Variants in PPP1R13B observed in about 807,000 individuals in gnomAD.
The protein encoded by PPP1R13B is protein phosphatase 1 regulatory subunit 13B.
PPP1R13B carries 44 observed loss-of-function variants against 119.8 expected under a neutral mutation model. The ratio of observed to expected loss-of-function variants is 0.37; its 90% CI spans 0.29 to 0.47. PPP1R13B has a LOEUF of 0.47. Ranked by LOEUF, PPP1R13B falls within the 20% of genes least tolerant of loss-of-function variation. PPP1R13B has a pLI of 0.99. For synonymous variants in PPP1R13B, 542 were observed against 561.5 expected (o/e 0.97, Z 0.49); for missense variants, 1,227 against 1,413.5 (o/e 0.87, Z 2.12).
At chr14:103,814,194 C>CA (rs2086224035) in intron 1 of PPP1R13B, among the ~76,000 whole-genome samples, 1 of 152,008 alleles carries the variant, frequency 6.6e-6, no homozygotes, top group Admixed American at 6.6e-5. Flanking sequence ...ACTAAAAATA[C>CA]AAATATTAGC....
Position 103,778,835 on chromosome 14 carries a change from A to T in PPP1R13B, c.278-14T>A. On this transcript the variant is annotated splice_polypyrimidine_tract_variant and intron_variant, in intron 3 of 16. Coordinates refer to ENST00000202556, the MANE Select transcript of PPP1R13B (RefSeq NM_015316.3). Reference sequence around the variant, plus strand: ...TCTGACGGCCACCTAAAGAAATAAAAGAACCAAACTCACCAAAAGGCGTAT... The same window carrying T: ...TCTGACGGCCACCTAAAGAAATAAATGAACCAAACTCACCAAAAGGCGTAT... 6.2e-7 allele frequency: 1 copy of T among 1,605,724 alleles called. No individual in the cohort carries two copies. Among genetic ancestry groups the T allele is most frequent in the Non-Finnish European group, 8.5e-7 (1 of 1,172,740 alleles).
chr14:103,846,512 A>G (rs909723136), intron 1 of PPP1R13B, among the ~76,000 whole-genome samples: 3 of 152,196 alleles, frequency 2.0e-5, no homozygotes, highest in Non-Finnish European at 4.4e-5. Context: ...TACCTCTCCA[A>G]CTGGGTACAA....
intron 1 of PPP1R13B, 68 bp from the exon 2 acceptor site, chr14:103,797,586 A>C: frequency 1.6e-6 from 2 of 1,287,032 alleles, no homozygotes; most frequent in Non-Finnish European, 2.2e-6. Flanking sequence ...TGTAAATTTA[A>C]AGTGATCCCT....
At chr14:103,830,356 A>G (rs1348910424) in intron 1 of PPP1R13B, among the ~76,000 whole-genome samples, 2 of 152,136 alleles carry the variant, frequency 1.3e-5, no homozygotes, top group Admixed American at 1.3e-4. Context: ...TCAGCCTCCC[A>G]AAGTGCTAGG....
intron 4 of PPP1R13B, among the ~76,000 whole-genome samples, chr14:103,761,605 T>C (rs944429941): frequency 1.3e-5 from 2 of 151,624 alleles, no homozygotes; most frequent in South Asian, 2.1e-4. Context: ...CTACTAAAAA[T>C]ACAAAAAATT....
chr14:103,828,261 T>C (rs1331913026), intron 1 of PPP1R13B, among the ~76,000 whole-genome samples: 1 of 150,636 alleles, frequency 6.6e-6, no homozygotes, highest in African/African-American at 2.4e-5. Flanking sequence ...CCGAGCTACT[T>C]GAGAGGCAGA....
chr14:103,774,650 T>TCCCCC (rs536822960), intron 4 of PPP1R13B, among the ~76,000 whole-genome samples: 2 of 151,754 alleles, frequency 1.3e-5, no homozygotes, highest in Non-Finnish European at 2.9e-5. Flanking sequence ...CAACCCACAC[T>TCCCCC]CCCCCCTTTC....
At chr14:103,753,282 A>G in intron 6 of PPP1R13B, 86 bp from the exon 7 acceptor site, 1 of 1,339,758 alleles carries the variant, frequency 7.5e-7, no homozygotes, top group Non-Finnish European at 1.0e-6. Context: ...TAATTCTAGT[A>G]TCATTTAGTG....
At chr14:103,758,372 T>C (rs1399202708) in intron 4 of PPP1R13B, among the ~76,000 whole-genome samples, 1 of 152,184 alleles carries the variant, frequency 6.6e-6, no homozygotes, top group African/African-American at 2.4e-5. Context: ...ATATGACCCA[T>C]TTCGGCCTCA....
In PPP1R13B at chr14:103,734,794, AG is replaced by A. The variant is rs775609104; in HGVS notation, c.*359del. Reference sequence around the variant, plus strand: ...AGCGGCGGACAGTGTTCACTGCTGGAGGGGGTGATGGCCTCGGGGCCAAGTC... The same window carrying A: ...AGCGGCGGACAGTGTTCACTGCTGGAGGGGTGATGGCCTCGGGGCCAAGTC... On this transcript the variant is annotated 3_prime_UTR_variant, in exon 17 of 17. Coordinates refer to ENST00000202556, the MANE Select transcript of PPP1R13B (RefSeq NM_015316.3). 3.4e-4 allele frequency: 155 copies of A among 460,904 alleles called. No homozygotes were observed. The highest frequency in any genetic ancestry group is 8.0e-4 in the Middle Eastern group (2 of 2,490). The allele number at this position is 460,904 out of a possible 1,614,324, so 28.6% of individuals were successfully genotyped here.
chr14:103,839,840 T>C (rs886623484), intron 1 of PPP1R13B, among the ~76,000 whole-genome samples: 1 of 152,188 alleles, frequency 6.6e-6, no homozygotes, highest in Non-Finnish European at 1.5e-5. Context: ...TCTTGAGCTA[T>C]GATAATTACA....
At chr14:103,762,596 TAAA>T (rs11446097) in intron 4 of PPP1R13B, among the ~76,000 whole-genome samples, 1 of 139,526 alleles carries the variant, frequency 7.2e-6, no homozygotes, top group Non-Finnish European at 1.5e-5. Flanking sequence ...CTTAAAGTAT[TAAA>T]AAAAAAAAAA....
At chr14:103,830,277 G>A (rs994810605) in intron 1 of PPP1R13B, among the ~76,000 whole-genome samples, 2 of 151,508 alleles carry the variant, frequency 1.3e-5, no homozygotes, top group African/African-American at 4.9e-5. Context: ...TATATTTTTA[G>A]TACAGATGAG....
At chr14:103,819,827 A>C (rs2086365703) in intron 1 of PPP1R13B, among the ~76,000 whole-genome samples, 1 of 152,196 alleles carries the variant, frequency 6.6e-6, no homozygotes, top group Non-Finnish European at 1.5e-5. Flanking sequence ...GAGAGGTTAC[A>C]AAACAACAGT....
chr14:103,733,691 C>T lies in PPP1R13B; in HGVS notation c.*1463G>A, dbSNP rs2084011565. 1 of 152,526 alleles carries T rather than the reference C, an allele frequency of 6.6e-6. No homozygotes were observed. The highest frequency in any genetic ancestry group is 6.5e-5 in the Admixed American group (1 of 15,284). The allele number at this position is 152,526 out of a possible 1,614,324, so 9.4% of individuals were successfully genotyped here. A position where few individuals can be genotyped will look rare whatever the true frequency, so the allele number is the denominator to read the frequency against. ...GGACAAGGCCTCGCCTTCCTGTGTC[C>T]AGATCACCTGAACCCTCGTGCCACA... On this transcript the variant is annotated 3_prime_UTR_variant, in exon 17 of 17. Coordinates refer to ENST00000202556, the MANE Select transcript of PPP1R13B (RefSeq NM_015316.3).
At chr14:103,744,974 G>C (rs925731707) in intron 9 of PPP1R13B, among the ~76,000 whole-genome samples, 2 of 152,218 alleles carry the variant, frequency 1.3e-5, no homozygotes, top group Non-Finnish European at 2.9e-5. Context: ...CTCACCTTGG[G>C]GAGTTTCTCA....
intron 1 of PPP1R13B, among the ~76,000 whole-genome samples, chr14:103,843,975 G>A (rs187316455): frequency 1.3e-4 from 20 of 150,852 alleles, no homozygotes; most frequent in African/African-American, 4.6e-4. Flanking sequence ...AAGTGGAAAG[G>A]CCAGGTGCAG....
At chr14:103,831,889 C>A (rs1302580704) in intron 1 of PPP1R13B, among the ~76,000 whole-genome samples, 1 of 151,510 alleles carries the variant, frequency 6.6e-6, no homozygotes, top group Non-Finnish European at 1.5e-5. Context: ...TGAGCCGAGA[C>A]CATGCCACTG....
At chr14:103,795,120 T>C (rs1956631162) in intron 2 of PPP1R13B, among the ~76,000 whole-genome samples, 1 of 152,038 alleles carries the variant, frequency 6.6e-6, no homozygotes, top group Admixed American at 6.6e-5. Flanking sequence ...GTATTTTTAG[T>C]AGAGATGGGG....
Sources: allele counts gnomAD v4.1 joint callset (sites outside exome capture counted in the v4.1 genomes callset), GRCh38; gene constraint gnomAD v4.1.1; transcripts MANE v1.5; gene names NCBI Gene and HGNC (gene_info 2026-07-23, HGNC 2026-07-21).